The following EYS variants were observed in gnomAD, a reference collection of about 807,000 sequenced individuals.
The protein encoded by EYS is protein eyes shut homolog.
EYS carries 250 observed loss-of-function variants against 282.1 expected under a neutral mutation model. The observed-to-expected ratio is 0.89, with a 90% CI of 0.80 to 0.98. The LOEUF (loss-of-function observed/expected upper bound fraction) is 0.98, where lower values mean the gene tolerates loss of function less well. Among genes scored for constraint, EYS ranks in the 50% least tolerant of loss-of-function variants. The probability of loss-of-function intolerance (pLI) is 0.00; values close to 1 mark genes in which losing one functional copy is unlikely to be tolerated. For missense variants in EYS, 4,016 were observed against 3,709.0 expected, an observed-to-expected ratio of 1.08 and a Z score of -2.15; for synonymous variants, 1,355 against 1,282.9, an observed-to-expected ratio of 1.06 and a Z score of -1.20.
chr6:64,905,070 T>C (rs931907804), intron 16 of EYS, among the ~76,000 whole-genome samples: 1 of 152,192 alleles, frequency 6.6e-6, no homozygotes, highest in African/African-American at 2.4e-5. Flanking sequence ...ACAGACCACA[T>C]TTCTAATAAC....
At chr6:64,821,472 T>C (rs1016809553) in intron 21 of EYS, among the ~76,000 whole-genome samples, 173 bp downstream of exon 21, 1 of 151,874 alleles carries the variant, frequency 6.6e-6, no homozygotes, top group South Asian at 2.1e-4. Context: ...AAAAAAGCCA[T>C]GATTTGTAGT....
chr6:64,410,329 T>A (rs1044655471), intron 28 of EYS, among the ~76,000 whole-genome samples: 2 of 152,148 alleles, frequency 1.3e-5, no homozygotes, highest in Non-Finnish European at 2.9e-5. Context: ...CAAAATAGTA[T>A]CTGAGACTGA....
rs1173183488 is a variant in EYS, at chr6:64,296,598, A to ATTTTT, written c.6191+10367_6191+10371dup. On this transcript the variant is annotated intron_variant, in intron 30 of 42. Transcript: ENST00000503581. ...TATATATATATACATATATATATAT[A>ATTTTT]TTTTTTTTTTTTTTTTTTTTTTTTT... 7.5e-4 allele frequency among the ~76,000 whole-genome samples: 15 copies of ATTTTT among 20,114 alleles called. 1 individual carries two copies. The highest frequency in any genetic ancestry group is 2.2e-3 in the African/African-American group (14 of 6,224). The allele number at this position is 20,114 out of a possible 152,430, so 13.2% of individuals were successfully genotyped here.
intron 12 of EYS, among the ~76,000 whole-genome samples, chr6:65,207,819 G>A (rs504780): frequency 0.022 from 3,297 of 151,752 alleles, 111 homozygotes; most frequent in African/African-American, 0.076. Context: ...AAATTGGCTA[G>A]TCTACGTATA....
At chr6:64,573,085 A>T (rs902131804) in intron 26 of EYS, among the ~76,000 whole-genome samples, 1 of 152,180 alleles carries the variant, frequency 6.6e-6, no homozygotes, top group Non-Finnish European at 1.5e-5. Flanking sequence ...CATACAGACC[A>T]ATGGAACAGA....
At chr6:64,862,164 G>T (rs765101500) in intron 19 of EYS, among the ~76,000 whole-genome samples, 9 of 152,154 alleles carry the variant, frequency 5.9e-5, no homozygotes, top group Non-Finnish European at 1.3e-4. Flanking sequence ...GAAGTCAGGT[G>T]CAATGCCTAT....
chr6:63,848,987 G>T (rs1772172590), intron 36 of EYS, among the ~76,000 whole-genome samples: 1 of 152,194 alleles, frequency 6.6e-6, no homozygotes, highest in African/African-American at 2.4e-5. Flanking sequence ...GGATGCTTGA[G>T]CTTCGTCGGA....
chr6:64,539,866 C>T (rs751820528), intron 26 of EYS, among the ~76,000 whole-genome samples: 1 of 152,212 alleles, frequency 6.6e-6, no homozygotes, highest in Non-Finnish European at 1.5e-5. Flanking sequence ...GCTTCTGATG[C>T]CCTTCAATTT....
chr6:63,811,298 A>G (rs1305795722), intron 36 of EYS, among the ~76,000 whole-genome samples: 2 of 152,178 alleles, frequency 1.3e-5, no homozygotes, highest in East Asian at 3.8e-4. Flanking sequence ...TATCTTCTCT[A>G]TCTTTTCTTT....
rs141690704 is a variant in EYS at position 64,670,612 on chromosome 6, C to A, written c.3444-44367G>T. 1.6e-4 allele frequency among the ~76,000 whole-genome samples: 24 copies of A among 152,188 alleles called. No individual in the cohort carries two copies. The East Asian group carries it at 4.6e-3, about 29-fold the overall frequency. On this transcript the variant is annotated intron_variant, in intron 22 of 42. Coordinates refer to ENST00000503581, the MANE Select transcript of EYS (RefSeq NM_001142800.2). ...TATTTCACTACACCACAGTCAGGAT[C>A]TTTTGTGTCCCCAGCTTCCAGGAAG...
chr6:64,599,102 TCTTTA>T (rs1195703112), intron 24 of EYS, among the ~76,000 whole-genome samples: 1 of 152,210 alleles, frequency 6.6e-6, no homozygotes, highest in African/African-American at 2.4e-5. Context: ...TAATGTGGCT[TCTTTA>T]CTTGTTTGTT....
intron 5 of EYS, among the ~76,000 whole-genome samples, chr6:65,478,121 A>C: frequency 6.6e-6 from 1 of 152,100 alleles, no homozygotes; most frequent in East Asian, 1.9e-4. Context: ...AATCAGTAGG[A>C]GGAGTAAAGG....
intron 31 of EYS, among the ~76,000 whole-genome samples, chr6:64,181,164 G>T (rs943248631): frequency 1.2e-4 from 19 of 152,226 alleles, no homozygotes; most frequent in African/African-American, 4.3e-4. Context: ...ATAGAGTAAT[G>T]CCTTATAACA....
chr6:64,937,610 AG>A (rs1768953259), intron 15 of EYS, among the ~76,000 whole-genome samples: 2 of 151,680 alleles, frequency 1.3e-5, no homozygotes, highest in African/African-American at 4.8e-5. Context: ...ACCTACTAGA[AG>A]GGTTAAAAAG....
At chr6:64,388,497 A>G (rs1332508011) in intron 29 of EYS, among the ~76,000 whole-genome samples, 193 bp downstream of exon 29, 2 of 152,110 alleles carry the variant, frequency 1.3e-5, no homozygotes, top group Non-Finnish European at 2.9e-5. Flanking sequence ...AGAACAGTAA[A>G]CTTCTATTAT....
intron 1 of EYS, among the ~76,000 whole-genome samples, chr6:65,689,324 T>C (rs1441571714): frequency 6.7e-6 from 1 of 148,386 alleles, no homozygotes; most frequent in Non-Finnish European, 1.5e-5. Flanking sequence ...AATTGAACAA[T>C]GAGAACACAT....
At chr6:63,836,908 T>C (rs185726650) in intron 36 of EYS, among the ~76,000 whole-genome samples, 1 of 152,190 alleles carries the variant, frequency 6.6e-6, no homozygotes, top group Admixed American at 6.6e-5. Flanking sequence ...AACTAAGACA[T>C]AGTCCTTGGC....
At chr6:65,263,950 G>T (rs924431127) in intron 12 of EYS, among the ~76,000 whole-genome samples, 3 of 151,866 alleles carry the variant, frequency 2.0e-5, no homozygotes, top group African/African-American at 7.3e-5. Context: ...ACACAGAAAA[G>T]AAGTCAAGAG....
chr6:64,503,456 T>A (rs186034493), intron 26 of EYS, among the ~76,000 whole-genome samples: 2 of 152,340 alleles, frequency 1.3e-5, no homozygotes, highest in East Asian at 3.9e-4. Context: ...TAAGCTTTTT[T>A]AAAACTGCTT....
Sources: allele counts gnomAD v4.1 joint callset (sites outside exome capture counted in the v4.1 genomes callset), GRCh38; gene constraint gnomAD v4.1.1; transcripts MANE v1.5; gene names NCBI Gene and HGNC (gene_info 2026-07-23, HGNC 2026-07-21).